The following ERC2 variants were observed in gnomAD, a reference collection of about 807,000 sequenced individuals.
ERC2 encodes the protein ELKS/RAB6-interacting/CAST family member 2.
A neutral mutation model predicts 114.8 loss-of-function variants in ERC2; 42 were observed. That is an observed-to-expected ratio of 0.37 (90% confidence interval 0.29 to 0.47). The LOEUF (loss-of-function observed/expected upper bound fraction) is 0.47. Among genes scored for constraint, ERC2 ranks in the 20% least tolerant of loss-of-function variants. The pLI, the probability that ERC2 is intolerant of heterozygous loss-of-function variation, is 0.99. For synonymous variants in ERC2, 454 were observed against 425.5 expected (o/e 1.07, Z -0.82); for missense variants, 939 against 1,150.7 (o/e 0.82, Z 2.66).
At chr3:56,323,918 A>G (rs1272441034) in intron 2 of ERC2, among the ~76,000 whole-genome samples, 1 of 152,168 alleles carries the variant, frequency 6.6e-6, no homozygotes, top group African/African-American at 2.4e-5. Flanking sequence ...CCATTTCTTA[A>G]TCTGTCATGA....
At chr3:55,978,917 C>T (rs1040025190) in intron 12 of ERC2, among the ~76,000 whole-genome samples, 1 of 152,156 alleles carries the variant, frequency 6.6e-6, no homozygotes, top group African/African-American at 2.4e-5. Flanking sequence ...GCTTCTTTAT[C>T]TGCTTAGGAA....
chr3:56,262,791 A>G (rs1375616211), intron 3 of ERC2, among the ~76,000 whole-genome samples: 2 of 152,200 alleles, frequency 1.3e-5, no homozygotes, highest in African/African-American at 4.8e-5. Context: ...TTTGGTCCCC[A>G]ATTTTGGTAT....
chr3:56,113,775 C>G (rs1263405317), intron 6 of ERC2, among the ~76,000 whole-genome samples: 1 of 152,136 alleles, frequency 6.6e-6, no homozygotes, highest in African/African-American at 2.4e-5. Flanking sequence ...TGTAGTGGGT[C>G]CCCAGGTTAC....
At chr3:55,783,071 G>A (rs1474447461) in intron 14 of ERC2, among the ~76,000 whole-genome samples, 1 of 152,200 alleles carries the variant, frequency 6.6e-6, no homozygotes, top group Non-Finnish European at 1.5e-5. Context: ...CCTTACAGTT[G>A]TCCCCGGAGG....
At chr3:56,453,530 G>T (rs1478972845) in intron 1 of ERC2, among the ~76,000 whole-genome samples, 1 of 152,192 alleles carries the variant, frequency 6.6e-6, no homozygotes, top group Non-Finnish European at 1.5e-5. Flanking sequence ...ATAGGACAGT[G>T]CTTTCTCACT....
At chr3:55,830,103 A>T (rs895468126) in intron 14 of ERC2, among the ~76,000 whole-genome samples, 4 of 152,244 alleles carry the variant, frequency 2.6e-5, no homozygotes, top group African/African-American at 9.6e-5. Context: ...CAGAAAAATG[A>T]CGTTACACAG....
At chr3:56,444,383 A>G (rs1302196654) in intron 1 of ERC2, among the ~76,000 whole-genome samples, 1 of 152,234 alleles carries the variant, frequency 6.6e-6, no homozygotes, top group African/African-American at 2.4e-5. Context: ...AAAAAAAATT[A>G]TAACACCAAA....
intron 2 of ERC2, among the ~76,000 whole-genome samples, chr3:56,337,563 T>C (rs531914677): frequency 7.2e-5 from 11 of 152,300 alleles, no homozygotes; most frequent in Non-Finnish European, 1.6e-4. Context: ...AAGCACTAAA[T>C]AAATGACAGT....
chr3:55,687,997 T>C (rs1458841683), intron 16 of ERC2, among the ~76,000 whole-genome samples: 5 of 152,238 alleles, frequency 3.3e-5, no homozygotes, highest in South Asian at 2.1e-4. Flanking sequence ...TTCTGTCTTT[T>C]ATTTCTCCTG....
chr3:56,172,386 T>C (rs1468028412), intron 4 of ERC2, among the ~76,000 whole-genome samples: 3 of 152,178 alleles, frequency 2.0e-5, no homozygotes, highest in Admixed American at 6.5e-5. Context: ...TGTCATTGAA[T>C]AAGAAAAACA....
At chr3:56,217,264 C>T (rs2049551445) in intron 3 of ERC2, among the ~76,000 whole-genome samples, 1 of 152,170 alleles carries the variant, frequency 6.6e-6, no homozygotes, top group Admixed American at 6.5e-5. Context: ...CCAAAATCTC[C>T]TTAAGCTGAT....
At chr3:55,562,736 G>A (rs2056109485) in intron 17 of ERC2, among the ~76,000 whole-genome samples, 1 of 151,632 alleles carries the variant, frequency 6.6e-6, no homozygotes, top group Non-Finnish European at 1.5e-5. Context: ...GTCTTTTATG[G>A]AGCCCATCTT....
At chr3:55,682,108 C>T (rs774857518) in intron 17 of ERC2, among the ~76,000 whole-genome samples, 12 of 152,166 alleles carry the variant, frequency 7.9e-5, no homozygotes, top group East Asian at 1.9e-4. Flanking sequence ...CGCTATAAAA[C>T]GCTTTCTTCT....
intron 14 of ERC2, among the ~76,000 whole-genome samples, chr3:55,805,449 A>G (rs1478324083): frequency 6.6e-6 from 1 of 151,812 alleles, no homozygotes; most frequent in Non-Finnish European, 1.5e-5. Context: ...CTTGGAACTG[A>G]GCCCTGTGTC....
chr3:56,207,316 T>A (rs981224072), intron 3 of ERC2, among the ~76,000 whole-genome samples: 22 of 152,270 alleles, frequency 1.4e-4, no homozygotes, highest in Middle Eastern at 3.4e-3. Context: ...GGGCAAAAAG[T>A]AATCATAATG....
At chr3:55,871,368 G>A (rs1003684081) in intron 14 of ERC2, among the ~76,000 whole-genome samples, 5 of 152,168 alleles carry the variant, frequency 3.3e-5, no homozygotes, top group African/African-American at 1.2e-4. Context: ...AAGAAAAACA[G>A]TGCAAGAAGC....
intron 2 of ERC2, among the ~76,000 whole-genome samples, chr3:56,393,198 G>T (rs1013850616): frequency 3.9e-5 from 6 of 152,208 alleles, no homozygotes; most frequent in Non-Finnish European, 7.3e-5. Context: ...AGGAGTTTGA[G>T]ACCTGCCTGG....
At chr3:56,350,939 A>G (rs752568145) in intron 2 of ERC2, among the ~76,000 whole-genome samples, 7 of 152,166 alleles carry the variant, frequency 4.6e-5, no homozygotes, top group Non-Finnish European at 8.8e-5. Flanking sequence ...TGTAAATTTT[A>G]CAGGTGAGAC....
At chr3:55,759,453 C>T (rs573873308) in intron 14 of ERC2, among the ~76,000 whole-genome samples, 2 of 86,688 alleles carry the variant, frequency 2.3e-5, no homozygotes, top group Admixed American at 1.9e-4. Flanking sequence ...CGTTTTAAGT[C>T]TCTTTCATTA....
Sources: allele counts gnomAD v4.1 joint callset (sites outside exome capture counted in the v4.1 genomes callset), GRCh38; gene constraint gnomAD v4.1.1; transcripts MANE v1.5; gene names NCBI Gene and HGNC (gene_info 2026-07-23, HGNC 2026-07-21).